Variants in ZMIZ1 observed in about 807,000 individuals in gnomAD.
The protein encoded by ZMIZ1 is zinc finger MIZ domain-containing protein 1.
A neutral mutation model predicts 113.9 loss-of-function variants in ZMIZ1; 17 were observed. The ratio of observed to expected loss-of-function variants is 0.15; its 90% CI spans 0.10 to 0.22. The LOEUF (loss-of-function observed/expected upper bound fraction) is 0.22, where lower values mean the gene tolerates loss of function less well. ZMIZ1 is among the 10% of genes least tolerant of loss of function. The probability of loss-of-function intolerance (pLI) is 1.00; values close to 1 mark genes in which losing one functional copy is unlikely to be tolerated. For synonymous variants in ZMIZ1, 607 were observed against 603.1 expected, an observed-to-expected ratio of 1.01 and a Z score of -0.09; for missense variants, 1,059 against 1,477.8, an observed-to-expected ratio of 0.72 and a Z score of 4.65.
chr10:79,153,562 C>T (rs1452311197), intron 3 of ZMIZ1, among the ~76,000 whole-genome samples: 1 of 152,270 alleles, frequency 6.6e-6, no homozygotes, highest in East Asian at 1.9e-4. Context: ...TGCAGACCAC[C>T]ACTGGCTGTC....
At chr10:79,257,645 G>A (rs1367899540) in intron 7 of ZMIZ1, among the ~76,000 whole-genome samples, 1 of 152,232 alleles carries the variant, frequency 6.6e-6, no homozygotes, top group Non-Finnish European at 1.5e-5. Context: ...GAAGCTGCTG[G>A]TCTTTGCCTG....
intron 5 of ZMIZ1, among the ~76,000 whole-genome samples, chr10:79,206,045 C>G (rs1848304483): frequency 1.3e-5 from 2 of 151,458 alleles, no homozygotes. Context: ...GAGATTGAAG[C>G]TGCAGTGAGC....
intron 4 of ZMIZ1, among the ~76,000 whole-genome samples, chr10:79,165,961 T>C (rs1564692671): frequency 0.019 from 368 of 19,884 alleles, no homozygotes; most frequent in Middle Eastern, 0.025. Context: ...TGTGTGTGTG[T>C]GTGTGTGTGT....
intron 4 of ZMIZ1, among the ~76,000 whole-genome samples, chr10:79,171,532 A>G (rs1032567472): frequency 2.6e-5 from 4 of 152,176 alleles, no homozygotes; most frequent in South Asian, 2.1e-4. Context: ...AGCACCTACT[A>G]TTTGTGTGGG....
At chr10:79,181,974 T>C (rs1316142821) in intron 4 of ZMIZ1, among the ~76,000 whole-genome samples, 2 of 151,962 alleles carry the variant, frequency 1.3e-5, no homozygotes, top group Admixed American at 6.6e-5. Context: ...GAGTCTGAAC[T>C]GGAGGAGGAG....
chr10:79,277,243 C>T lies in ZMIZ1; in HGVS notation c.343C>T (p.Arg115Cys), dbSNP rs1029649479. The T allele has an allele frequency of 1.3e-6, 2 of 1,589,692 alleles. No homozygotes were observed. Among genetic ancestry groups the T allele is most frequent in the Non-Finnish European group, 1.7e-6 (2 of 1,168,596 alleles). Reference sequence around the variant, plus strand: ...GCTGCTGCTCCGACATCAGAAGAGCCGCCAGAGCGATCCCCCTGGGAAACT... The same window carrying T: ...GCTGCTGCTCCGACATCAGAAGAGCTGCCAGAGCGATCCCCCTGGGAAACT... ...RLLLLRHQKS[R>C]QSDPPGKLPM... Residue 115 changes from arginine to cysteine, a missense_variant, in exon 8 of 25, where the codon CGC becomes TGC. By Grantham distance (180) the Arg-to-Cys change is radical (BLOSUM62 -3). Around this residue, in one of 6 missense-constraint regions of ZMIZ1, gnomAD observed 272 missense variants for 350.4 expected, o/e 0.78. Transcript: ENST00000334512.
intron 4 of ZMIZ1, among the ~76,000 whole-genome samples, chr10:79,194,344 C>G (rs1847743930): frequency 6.6e-6 from 1 of 152,246 alleles, no homozygotes; most frequent in South Asian, 2.1e-4. Flanking sequence ...GTGCAGACGC[C>G]TCTCTCTGGG....
At chr10:79,277,120 G>C (rs1852345376) in intron 7 of ZMIZ1, 61 bp from the exon 8 acceptor site, 4 of 1,447,824 alleles carry the variant, frequency 2.8e-6, no homozygotes, top group Non-Finnish European at 3.6e-6. Flanking sequence ...GTTGGGGGGG[G>C]GTCTTGGTGT....
At chr10:79,126,358 AT>A (rs1844511732) in intron 2 of ZMIZ1, among the ~76,000 whole-genome samples, 1 of 152,154 alleles carries the variant, frequency 6.6e-6, no homozygotes, top group East Asian at 1.9e-4. Context: ...AGGCTCAACC[AT>A]CTGGGAGGCT....
At chr10:79,074,195 T>G (rs1172184986) in intron 1 of ZMIZ1, among the ~76,000 whole-genome samples, 2 of 152,236 alleles carry the variant, frequency 1.3e-5, no homozygotes. Context: ...GTCAAACAAC[T>G]GGTGGCAAAG....
intron 1 of ZMIZ1, among the ~76,000 whole-genome samples, chr10:79,095,454 C>G (rs183245697): frequency 2.0e-5 from 3 of 152,312 alleles, no homozygotes; most frequent in Non-Finnish European, 4.4e-5. Context: ...TGGCAATAAC[C>G]CTTGTGCAGA....
chr10:79,148,091 C>T (rs1441019752), intron 3 of ZMIZ1, among the ~76,000 whole-genome samples: 3 of 152,218 alleles, frequency 2.0e-5, no homozygotes, highest in Non-Finnish European at 4.4e-5. Context: ...TGAGAGCCCA[C>T]CTGCATTCAT....
chr10:79,261,712 G>GT (rs1403189136), intron 7 of ZMIZ1, among the ~76,000 whole-genome samples: 2 of 152,242 alleles, frequency 1.3e-5, no homozygotes, highest in Non-Finnish European at 2.9e-5. Context: ...CCCTCTCAGA[G>GT]TAGAAGCTTT....
intron 7 of ZMIZ1, among the ~76,000 whole-genome samples, chr10:79,220,855 T>G (rs1848935385): frequency 6.7e-6 from 1 of 149,162 alleles, no homozygotes; most frequent in Admixed American, 6.7e-5. Context: ...TCTCTGTGTA[T>G]GTCTGCATGG....
intron 5 of ZMIZ1, among the ~76,000 whole-genome samples, chr10:79,205,295 C>A (rs1848270346): frequency 6.6e-6 from 1 of 152,248 alleles, no homozygotes; most frequent in Non-Finnish European, 1.5e-5. Flanking sequence ...AAGCTCACCC[C>A]TGCCCTGCCC....
At chr10:79,297,521 GTGCTCCTGGTAGATTTTAC>G (rs1853980839) in intron 13 of ZMIZ1, 73 bp from the exon 14 acceptor site, 1 of 1,092,644 alleles carries the variant, frequency 9.2e-7, no homozygotes, top group South Asian at 1.3e-5. Flanking sequence ...TAGCATCCCC[GTGCTCCTGGTAGATTTTAC>G]TGTCCAGAGG....
chr10:79,164,461 C>G (rs1415404502), intron 4 of ZMIZ1, among the ~76,000 whole-genome samples: 1 of 151,912 alleles, frequency 6.6e-6, no homozygotes, highest in East Asian at 1.9e-4. Context: ...CTCTAGGTAG[C>G]TGTCTTGAGT....
chr10:79,297,286 C>T (rs1385297957), intron 13 of ZMIZ1, among the ~76,000 whole-genome samples: 1 of 152,178 alleles, frequency 6.6e-6, no homozygotes, highest in Non-Finnish European at 1.5e-5. Flanking sequence ...GTAAAGAAGA[C>T]ACTTTATTAT....
intron 1 of ZMIZ1, among the ~76,000 whole-genome samples, chr10:79,085,555 T>G (rs1463158581): frequency 1.3e-5 from 2 of 152,086 alleles, no homozygotes; most frequent in African/African-American, 2.4e-5. Flanking sequence ...TGGGCCTGCC[T>G]CCTCATCTGA....
Sources: gnomAD v4.1 joint callset for allele counts (sites outside exome capture counted in the v4.1 genomes callset) on GRCh38, gnomAD v4.1.1 for gene constraint, gnomAD v4.1.1 regional missense constraint, MANE v1.5 for transcripts, NCBI Gene and HGNC (gene_info 2026-07-23, HGNC 2026-07-21) for gene names.